Variants in STK31 observed in about 807,000 individuals in gnomAD.
The protein encoded by STK31 is serine/threonine-protein kinase 31.
A neutral mutation model predicts 129.7 loss-of-function variants in STK31; 89 were observed. The ratio of observed to expected loss-of-function variants is 0.69; its 90% CI spans 0.58 to 0.82. The LOEUF is 0.82. Among genes scored for constraint, STK31 ranks in the 40% least tolerant of loss-of-function variants. The pLI is 0.00. For synonymous variants in STK31, 448 were observed against 395.3 expected (o/e 1.13, Z -1.58); for missense variants, 1,187 against 1,176.4 (o/e 1.01, Z -0.13).
At chr7:23,755,470 G>A (rs1483239789) in intron 10 of STK31, among the ~76,000 whole-genome samples, 1 of 152,140 alleles carries the variant, frequency 6.6e-6, no homozygotes, top group Non-Finnish European at 1.5e-5. Context: ...TGTGATGATA[G>A]TTTCTTTTGC....
At chr7:23,721,041 T>TTA (rs1786659220) in intron 4 of STK31, among the ~76,000 whole-genome samples, 1 of 152,206 alleles carries the variant, frequency 6.6e-6, no homozygotes, top group Non-Finnish European at 1.5e-5. Context: ...AGAAAAGGAT[T>TTA]TATAGTACAC....
rs36053082 is a variant in STK31, at chr7:23,733,393, CTTTTTTTT to C, written c.484-2135_484-2128del. On this transcript the variant is annotated intron_variant, in intron 6 of 23. Transcript: ENST00000355870. ...ATAGCAAGACCCCATCTAAAAAATT[CTTTTTTTT>C]TTTTTTTTTGGGTAGTGATAGTTGG... 4.6e-4 allele frequency among the ~76,000 whole-genome samples: 58 copies of C among 125,770 alleles called. 1 individual carries two copies. The highest frequency in any genetic ancestry group is 1.0e-4 in the Non-Finnish European group (6 of 58,436). 82.5% of individuals were successfully genotyped at this position (125,770 alleles called of 152,430 possible). A position where few individuals can be genotyped will look rare whatever the true frequency, so the allele number is the denominator to read the frequency against.
At chr7:23,719,987 T>A (rs992499605) in intron 4 of STK31, among the ~76,000 whole-genome samples, 1 of 152,174 alleles carries the variant, frequency 6.6e-6, no homozygotes, top group Non-Finnish European at 1.5e-5. Flanking sequence ...CTAGTAAATA[T>A]GTTACATTGT....
chr7:23,786,172 T>C (rs113985446), intron 18 of STK31, among the ~76,000 whole-genome samples: 20 of 152,216 alleles, frequency 1.3e-4, no homozygotes, highest in African/African-American at 4.6e-4. Context: ...TTTCTTACAT[T>C]TCTCCTTGAA....
At chr7:23,790,735 G>GT in intron 21 of STK31, 89 bp from the exon 22 acceptor site, 1 of 1,215,836 alleles carries the variant, frequency 8.2e-7, no homozygotes, top group Non-Finnish European at 1.1e-6. Flanking sequence ...AAATGAATTT[G>GT]TTTTTTGTAT....
Position 23,711,859 on chromosome 7 carries a change from A to AAAGTTTGGCTAT in STK31, c.51-229_51-228insTAAGTTTGGCTA, listed in dbSNP as rs1244687207. 1.1e-4 allele frequency among the ~76,000 whole-genome samples: 16 copies of AAAGTTTGGCTAT among 152,312 alleles called. No individual in the cohort carries two copies. The South Asian group carries it at 2.9e-3, about 28-fold the overall frequency. On this transcript the variant is annotated intron_variant, in intron 1 of 23. Transcript: ENST00000355870. Reference sequence around the variant, plus strand: ...TATATGAGTTCAGTATAAGTTTGTAAAAGTTTGGCTAGAGATAATTTTAAG... The same window carrying AAAGTTTGGCTAT: ...TATATGAGTTCAGTATAAGTTTGTAAAAGTTTGGCTATAAGTTTGGCTAGAGATAATTTTAAG...
At chr7:23,712,418 C>A in intron 3 of STK31, 132 bp downstream of exon 3, 1 of 877,192 alleles carries the variant, frequency 1.1e-6, no homozygotes. Flanking sequence ...AATTATTTAT[C>A]ACCAGGCATT....
At position 23,717,471 on chromosome 7, in the gene STK31, ATCT is replaced by A; in HGVS notation, c.151-8_151-6del. On this transcript the variant is annotated splice_polypyrimidine_tract_variant and splice_region_variant and intron_variant, in intron 3 of 23. Transcript: ENST00000355870. ...TTTACTGTATCTTATACTATATCTA[ATCT>A]TTCTAGAGTATCAATAGAAATAAGG... 1.3e-6 allele frequency: 2 copies of A among 1,567,836 alleles called. No individual in the cohort carries two copies. The highest frequency in any genetic ancestry group is 4.5e-5 in the East Asian group (2 of 44,098).
intron 6 of STK31, 91 bp from the exon 7 acceptor site, chr7:23,735,447 A>G: frequency 8.7e-7 from 1 of 1,146,556 alleles, no homozygotes; most frequent in Non-Finnish European, 1.2e-6. Context: ...TTTAGAATGA[A>G]GAAATATGAT....
In STK31 at chr7:23,825,849, G is replaced by A. The variant is rs540914104; in HGVS notation, c.2830-6287G>A. Among the ~76,000 whole-genome samples, 378 of 152,178 alleles carry A rather than the reference G, an allele frequency of 2.5e-3. 2 individuals carry two copies. The highest frequency in any genetic ancestry group is 8.4e-3 in the African/African-American group (347 of 41,530). On this transcript the variant is annotated intron_variant, in intron 23 of 23. Transcript: ENST00000355870. ...ACATCTTTATTTCTGCCTTCATTTC[G>A]TTATGTGCTCAGTAGTCATTCAGGA... is the stretch of plus-strand genomic sequence containing the variant.
At chr7:23,815,548 A>G (rs17148396) in intron 23 of STK31, among the ~76,000 whole-genome samples, 15,221 of 152,196 alleles carry the variant, frequency 0.1, 1,103 homozygotes, top group African/African-American at 0.2. Context: ...TGTCATTCAC[A>G]TATGTATTCA....
intron 8 of STK31, among the ~76,000 whole-genome samples, chr7:23,739,575 T>C (rs1342340298): frequency 1.3e-5 from 2 of 152,252 alleles, no homozygotes; most frequent in Non-Finnish European, 2.9e-5. Flanking sequence ...TGGTATTGCC[T>C]AGGTGTTCTT....
chr7:23,789,788 A>G (rs1277066672), intron 21 of STK31, among the ~76,000 whole-genome samples: 4 of 152,172 alleles, frequency 2.6e-5, no homozygotes, highest in Admixed American at 6.5e-5. Flanking sequence ...ATATGACTAC[A>G]ATAATTACTC....
chr7:23,796,745 T>G (rs1791984516), intron 22 of STK31, among the ~76,000 whole-genome samples: 1 of 151,966 alleles, frequency 6.6e-6, no homozygotes, highest in Non-Finnish European at 1.5e-5. Context: ...CTTTTAAGAA[T>G]GTCTCACACA....
intron 22 of STK31, among the ~76,000 whole-genome samples, chr7:23,807,747 G>A (rs1332811516): frequency 6.6e-6 from 1 of 151,298 alleles, no homozygotes; most frequent in African/African-American, 2.4e-5. Flanking sequence ...TTGTAATGAT[G>A]GTTGTTCAAA....
At chr7:23,737,132 A>G (rs888458354) in intron 8 of STK31, 54 bp downstream of exon 8, 3 of 1,381,818 alleles carry the variant, frequency 2.2e-6, no homozygotes, top group Middle Eastern at 3.9e-4. Flanking sequence ...CTGTGTACTC[A>G]TCTGCTGCTA....
chr7:23,770,982 T>C, intron 13 of STK31, 23 bp from the exon 14 acceptor site: 10 of 1,602,154 alleles, frequency 6.2e-6, no homozygotes, highest in Non-Finnish European at 7.7e-6. Context: ...TGTGTATAAT[T>C]CTATGTGTGT....
At chr7:23,759,242 A>T (rs926837360) in intron 10 of STK31, among the ~76,000 whole-genome samples, 6 of 152,208 alleles carry the variant, frequency 3.9e-5, no homozygotes, top group Admixed American at 3.9e-4. Flanking sequence ...ATTAACAAGG[A>T]TATTCAGGAC....
At chr7:23,803,940 T>C (rs1792534178) in intron 22 of STK31, among the ~76,000 whole-genome samples, 1 of 152,232 alleles carries the variant, frequency 6.6e-6, no homozygotes, top group Admixed American at 6.5e-5. Context: ...AGGTGTTTTC[T>C]AGAAGCCAGT....
Sources: allele counts gnomAD v4.1 joint callset (sites outside exome capture counted in the v4.1 genomes callset), GRCh38; gene constraint gnomAD v4.1.1; transcripts MANE v1.5; gene names NCBI Gene and HGNC (gene_info 2026-07-23, HGNC 2026-07-21).